MPDZ: variants seen among roughly 807,000 people sequenced by gnomAD.
The protein encoded by MPDZ is multiple PDZ domain crumbs cell polarity complex component.
In MPDZ, 234 loss-of-function variants were observed where a neutral mutation model predicts 239.1. The observed-to-expected ratio is 0.98, with a 90% CI of 0.88 to 1.09. The LOEUF is 1.09. MPDZ is among the 50% of genes least tolerant of loss of function. The probability of loss-of-function intolerance (pLI) is 0.00; values close to 1 mark genes in which losing one functional copy is unlikely to be tolerated. For missense variants in MPDZ, 3,175 were observed against 2,510.0 expected (o/e 1.26, Z -5.66); for synonymous variants, 1,048 against 881.3 (o/e 1.19, Z -3.35).
chr9:13,230,565 C>A (rs576018234), intron 3 of MPDZ, among the ~76,000 whole-genome samples: 4 of 151,932 alleles, frequency 2.6e-5, no homozygotes. Flanking sequence ...ATTCTTGAAA[C>A]GACAAAATTA....
intron 24 of MPDZ, among the ~76,000 whole-genome samples, chr9:13,154,443 G>C (rs1189801145): frequency 6.6e-6 from 1 of 152,140 alleles, no homozygotes; most frequent in East Asian, 1.9e-4. Context: ...GCTGTGAACT[G>C]AGTCTCTGGG....
At position 13,224,620 on chromosome 9, in the gene MPDZ, T is replaced by G. The variant is rs2274857; in HGVS notation, c.184-37A>C. Reference sequence around the variant, plus strand: ...GCAGGGATTATTAAGAATTTTGACATTCCATAAACTATTTCATAGAAAATA... The same window carrying G: ...GCAGGGATTATTAAGAATTTTGACAGTCCATAAACTATTTCATAGAAAATA... On this transcript the variant is annotated intron_variant, in intron 3 of 46. Transcript: ENST00000319217. 2.5e-5 allele frequency: 33 copies of G among 1,345,572 alleles called. No homozygotes were observed. The East Asian group carries it at 7.8e-4, about 32-fold the overall frequency. The allele number at this position is 1,345,572 out of a possible 1,614,324, so 83.4% of individuals were successfully genotyped here. A position where few individuals can be genotyped will look rare whatever the true frequency, so the allele number is the denominator to read the frequency against.
Position 13,136,819 on chromosome 9 carries a change from A to C in MPDZ, c.4201-16T>G, listed in dbSNP as rs768297345. 1.5e-5 allele frequency: 22 copies of C among 1,500,458 alleles called. No homozygotes were observed. The South Asian group carries it at 2.5e-4, about 17-fold the overall frequency. The allele number at this position is 1,500,458 out of a possible 1,614,324, so 92.9% of individuals were successfully genotyped here. A position where few individuals can be genotyped will look rare whatever the true frequency, so the allele number is the denominator to read the frequency against. On this transcript the variant is annotated splice_polypyrimidine_tract_variant and intron_variant, in intron 29 of 46. Transcript: ENST00000319217. ...GACCATTGATCTGTGAGAAATAAAT[A>C]TCATTAGTTGGGCCTGAAATCTTAG...
chr9:13,144,308 A>C (rs1948149299), intron 26 of MPDZ, among the ~76,000 whole-genome samples: 1 of 151,958 alleles, frequency 6.6e-6, no homozygotes, highest in Non-Finnish European at 1.5e-5. Context: ...TGTTTCTCAG[A>C]GGTTTTGTGG....
intron 3 of MPDZ, among the ~76,000 whole-genome samples, chr9:13,233,118 A>C (rs1962994369): frequency 6.6e-6 from 1 of 152,174 alleles, no homozygotes; most frequent in African/African-American, 2.4e-5. Context: ...TTGGACTTAT[A>C]ATCGCTTTGG....
chr9:13,174,596 C>T (rs1952217170), intron 21 of MPDZ, among the ~76,000 whole-genome samples: 1 of 152,156 alleles, frequency 6.6e-6, no homozygotes, highest in Non-Finnish European at 1.5e-5. Flanking sequence ...AAACTTGGAA[C>T]TCATTTATAA....
At chr9:13,107,322 T>G (rs1941629040) in intron 46 of MPDZ, among the ~76,000 whole-genome samples, 1 of 152,164 alleles carries the variant, frequency 6.6e-6, no homozygotes, top group East Asian at 1.9e-4. Flanking sequence ...GATACCAATT[T>G]GAGAGAGAAT....
At chr9:13,165,366 C>G (rs1950947355) in intron 22 of MPDZ, 1 of 1,549,446 alleles carries the variant, frequency 6.5e-7, no homozygotes, top group African/African-American at 1.4e-5. Context: ...CTGATACTCA[C>G]ACATAAAAGG....
In MPDZ at chr9:13,192,124, C is replaced by G. The variant is rs1202889016; in HGVS notation, c.1968+7G>C. ...GTAGGTTAGCCTCATGTATGCAAAT[C>G]TGATACCTTTTCTGTTAGCTCAATA... On this transcript the variant is annotated splice_region_variant and intron_variant, in intron 15 of 46. Coordinates refer to ENST00000319217, the MANE Select transcript of MPDZ (RefSeq NM_001378778.1). 3 of 1,587,054 alleles carry G rather than the reference C, an allele frequency of 1.9e-6. No individual in the cohort carries two copies. Among genetic ancestry groups the G allele is most frequent in the East Asian group, 2.3e-5 (1 of 44,246 alleles).
chr9:13,107,276 AAAG>A (rs1426911917), intron 46 of MPDZ, among the ~76,000 whole-genome samples, 165 bp from the exon 47 acceptor site: 1 of 152,212 alleles, frequency 6.6e-6, no homozygotes, highest in African/African-American at 2.4e-5. Context: ...GAACATAGAC[AAAG>A]AAGGTCTTTC....
intron 10 of MPDZ, among the ~76,000 whole-genome samples, chr9:13,215,082 T>C (rs1223996402): frequency 6.6e-6 from 1 of 152,002 alleles, no homozygotes; most frequent in Non-Finnish European, 1.5e-5. Flanking sequence ...AATTTTTTCA[T>C]CTTGCAGAAC....
At chr9:13,218,640 G>T (rs947300115) in intron 8 of MPDZ, among the ~76,000 whole-genome samples, 1 of 151,864 alleles carries the variant, frequency 6.6e-6, no homozygotes, top group Non-Finnish European at 1.5e-5. Flanking sequence ...GCTTGTGGAG[G>T]AGGTTAGGAT....
intron 3 of MPDZ, among the ~76,000 whole-genome samples, chr9:13,237,181 G>A (rs1208464633): frequency 6.6e-6 from 1 of 151,728 alleles, no homozygotes; most frequent in East Asian, 1.9e-4. Flanking sequence ...GGTGGTTCAC[G>A]CCTGTAATCC....
At chr9:13,153,023 A>G (rs1949391760) in intron 24 of MPDZ, among the ~76,000 whole-genome samples, 1 of 152,116 alleles carries the variant, frequency 6.6e-6, no homozygotes, top group African/African-American at 2.4e-5. Flanking sequence ...CATGCTGCAC[A>G]AAGGAAGACA....
At chr9:13,271,539 T>C (rs1972954664) in intron 1 of MPDZ, among the ~76,000 whole-genome samples, 2 of 152,236 alleles carry the variant, frequency 1.3e-5, no homozygotes, top group South Asian at 4.1e-4. Flanking sequence ...ATGAAAATGA[T>C]GCAAAAACCC....
chr9:13,269,065 G>GA (rs957816320), intron 1 of MPDZ, among the ~76,000 whole-genome samples: 35 of 151,686 alleles, frequency 2.3e-4, no homozygotes, highest in Non-Finnish European at 4.1e-4. Flanking sequence ...GTAATGGCAA[G>GA]AAAAAAAAGA....
chr9:13,122,780 G>C (rs1944548967), intron 36 of MPDZ, among the ~76,000 whole-genome samples: 1 of 152,036 alleles, frequency 6.6e-6, no homozygotes, highest in South Asian at 2.1e-4. Flanking sequence ...GCCTCCTAAA[G>C]TGCTGGGATT....
intron 1 of MPDZ, among the ~76,000 whole-genome samples, chr9:13,265,074 C>T (rs993821490): frequency 1.4e-4 from 22 of 152,306 alleles, no homozygotes; most frequent in Non-Finnish European, 2.6e-4. Flanking sequence ...CCAGAGGCTG[C>T]CCATAAAGCA....
intron 3 of MPDZ, among the ~76,000 whole-genome samples, chr9:13,228,671 G>A (rs1961415602): frequency 6.6e-6 from 1 of 152,028 alleles, no homozygotes; most frequent in Admixed American, 6.6e-5. Flanking sequence ...GGGATCCTCA[G>A]CCTGTAACAA....
Sources: gnomAD v4.1 joint callset for allele counts (sites outside exome capture counted in the v4.1 genomes callset) on GRCh38, gnomAD v4.1.1 for gene constraint, MANE v1.5 for transcripts, NCBI Gene and HGNC (gene_info 2026-07-23, HGNC 2026-07-21) for gene names.